The following AOAH variants were observed in gnomAD, a reference collection of about 807,000 sequenced individuals.
AOAH encodes acyloxyacyl hydrolase.
A neutral mutation model predicts 92.2 loss-of-function variants in AOAH; 64 were observed. That is an observed-to-expected ratio of 0.69 (90% confidence interval 0.57 to 0.86). The LOEUF (loss-of-function observed/expected upper bound fraction) is 0.86. Among genes scored for constraint, AOAH ranks in the 40% least tolerant of loss-of-function variants. AOAH has a pLI of 0.00. For missense variants in AOAH, 656 were observed against 694.6 expected, an observed-to-expected ratio of 0.94 and a Z score of 0.62; for synonymous variants, 263 against 254.5, an observed-to-expected ratio of 1.03 and a Z score of -0.32.
At chr7:36,676,559 T>C (rs1796269358) in intron 2 of AOAH, among the ~76,000 whole-genome samples, 1 of 152,182 alleles carries the variant, frequency 6.6e-6, no homozygotes, top group African/African-American at 2.4e-5. Flanking sequence ...TTCAATGCCA[T>C]CTCTACCAAA....
At chr7:36,597,048 C>T (rs989678266) in intron 11 of AOAH, among the ~76,000 whole-genome samples, 3 of 152,178 alleles carry the variant, frequency 2.0e-5, no homozygotes, top group Non-Finnish European at 1.5e-5. Context: ...ACACATGCCA[C>T]GAAACCTCCA....
At chr7:36,668,643 C>A (rs893243818) in intron 3 of AOAH, among the ~76,000 whole-genome samples, 8 of 152,026 alleles carry the variant, frequency 5.3e-5, no homozygotes, top group African/African-American at 1.9e-4. Context: ...TGCACCGCCA[C>A]CCCCGGCTAA....
chr7:36,606,734 A>G (rs1791030812), intron 11 of AOAH, among the ~76,000 whole-genome samples: 1 of 152,152 alleles, frequency 6.6e-6, no homozygotes, highest in African/African-American at 2.4e-5. Context: ...ACTCAAGCAG[A>G]GATTGTTTTT....
intron 2 of AOAH, among the ~76,000 whole-genome samples, chr7:36,685,477 C>T (rs1040378002): frequency 3.3e-5 from 5 of 152,124 alleles, no homozygotes; most frequent in South Asian, 2.1e-4. Context: ...CTTTCAGTAA[C>T]GGATGAAGCT....
chr7:36,718,019 A>C (rs939570507), intron 1 of AOAH, among the ~76,000 whole-genome samples: 2 of 152,176 alleles, frequency 1.3e-5, no homozygotes, highest in Non-Finnish European at 2.9e-5. Context: ...AAGTGGGGGA[A>C]GGAAACACAG....
At chr7:36,600,982 AC>A (rs1404361101) in intron 11 of AOAH, among the ~76,000 whole-genome samples, 1 of 151,560 alleles carries the variant, frequency 6.6e-6, no homozygotes, top group Non-Finnish European at 1.5e-5. Context: ...CTACACAGAA[AC>A]CCCCACACAC....
chr7:36,555,498 A>G (rs1302941882), intron 13 of AOAH, among the ~76,000 whole-genome samples: 1 of 152,210 alleles, frequency 6.6e-6, no homozygotes, highest in Non-Finnish European at 1.5e-5. Flanking sequence ...TGCTGGCCTC[A>G]TAAAATGAGT....
At chr7:36,704,821 A>G (rs1798283625) in intron 1 of AOAH, among the ~76,000 whole-genome samples, 1 of 152,214 alleles carries the variant, frequency 6.6e-6, no homozygotes, top group African/African-American at 2.4e-5. Context: ...CATCCCTGGG[A>G]TGCAAGGCTG....
intron 4 of AOAH, among the ~76,000 whole-genome samples, chr7:36,656,861 G>C (rs1031439772): frequency 7.6e-6 from 1 of 132,440 alleles, no homozygotes; most frequent in African/African-American, 2.9e-5. Context: ...AAGGGGAGGG[G>C]TGGCACAAAG....
intron 6 of AOAH, among the ~76,000 whole-genome samples, chr7:36,624,709 C>T (rs1384149785): frequency 6.6e-6 from 1 of 152,202 alleles, no homozygotes; most frequent in African/African-American, 2.4e-5. Context: ...TACCTCTAGC[C>T]ACAGTGGGCC....
chr7:36,655,704 A>G (rs371139530), intron 4 of AOAH, among the ~76,000 whole-genome samples: 3 of 152,168 alleles, frequency 2.0e-5, no homozygotes, highest in South Asian at 4.1e-4. Context: ...TCCATCAGGG[A>G]TGCAAATGAG....
intron 1 of AOAH, among the ~76,000 whole-genome samples, chr7:36,696,814 G>A (rs530258412): frequency 1.7e-3 from 255 of 151,818 alleles, no homozygotes; most frequent in African/African-American, 5.9e-3. Context: ...GCAGTGAGCC[G>A]AGATCATGCC....
chr7:36,558,325 T>C (rs1171884278), intron 13 of AOAH, among the ~76,000 whole-genome samples: 7 of 152,238 alleles, frequency 4.6e-5, no homozygotes, highest in Admixed American at 2.0e-4. Flanking sequence ...TGGATGCTGC[T>C]GTCTGATCGT....
intron 12 of AOAH, among the ~76,000 whole-genome samples, chr7:36,583,001 T>A (rs1789044866): frequency 6.6e-6 from 1 of 152,082 alleles, no homozygotes; most frequent in African/African-American, 2.4e-5. Flanking sequence ...CATGCCACCA[T>A]GCCCAGCTAA....
intron 19 of AOAH, among the ~76,000 whole-genome samples, chr7:36,527,705 G>A (rs1034660719): frequency 6.6e-6 from 1 of 152,220 alleles, no homozygotes; most frequent in Non-Finnish European, 1.5e-5. Context: ...ACAAAGGCTG[G>A]GTGGTTATTT....
rs71553082 is a variant in AOAH at position 36,610,159 on chromosome 7, C to CAAAAA, written c.846+6216_846+6220dup. 4.1e-3 allele frequency among the ~76,000 whole-genome samples: 202 copies of CAAAAA among 49,216 alleles called. 6 individuals carry two copies. The highest frequency in any genetic ancestry group is 9.0e-3 in the African/African-American group (108 of 11,980). 32.3% of individuals were successfully genotyped at this position (49,216 alleles called of 152,430 possible). A position where few individuals can be genotyped will look rare whatever the true frequency, so the allele number is the denominator to read the frequency against. On this transcript the variant is annotated intron_variant, in intron 11 of 20. Coordinates refer to ENST00000617537, the MANE Select transcript of AOAH (RefSeq NM_001637.4). ...TTTTAAGGAGAATGCTCCATAATAG[C>CAAAAA]AAAAAAAAAAAAAAAAAAAAAGAAT...
rs780216443 is a variant in AOAH, at chr7:36,724,038, A to G, written c.111T>C (p.Asn37=). 23 of 1,613,558 alleles carry G rather than the reference A, an allele frequency of 1.4e-5. No homozygotes were observed. In the South Asian group the frequency reaches 2.5e-4, roughly 18 times the overall value. The part of the protein sequence containing the change: ...NDDQSRPSLS[N]GHTCVGCVLV... ...TTTGCATACCTACACAGGTGTGCCCATTCGAGAGGCTGGGCCTGGACTGGT... is the reference window on the plus strand; with the variant it reads ...TTTGCATACCTACACAGGTGTGCCCGTTCGAGAGGCTGGGCCTGGACTGGT... The change falls in exon 1 of 21, where the codon AAT becomes AAC. Residue 37 remains asparagine, a synonymous_variant. Coordinates refer to ENST00000617537, the MANE Select transcript of AOAH (RefSeq NM_001637.4).
At chr7:36,627,034 T>A (rs575023334) in intron 6 of AOAH, among the ~76,000 whole-genome samples, 2 of 152,354 alleles carry the variant, frequency 1.3e-5, no homozygotes, top group South Asian at 4.1e-4. Context: ...TGTTGAAATG[T>A]TCATTCATTC....
At chr7:36,568,726 G>A (rs1325056254) in intron 13 of AOAH, among the ~76,000 whole-genome samples, 4 of 152,008 alleles carry the variant, frequency 2.6e-5, no homozygotes, top group Admixed American at 1.3e-4. Flanking sequence ...CTCTGCCCAC[G>A]TTTCTCTTCT....
Sources: allele counts gnomAD v4.1 joint callset (sites outside exome capture counted in the v4.1 genomes callset), GRCh38; gene constraint gnomAD v4.1.1; transcripts MANE v1.5; gene names NCBI Gene and HGNC (gene_info 2026-07-23, HGNC 2026-07-21).